The following PALM2AKAP2 variants were observed in gnomAD, a reference collection of about 807,000 sequenced individuals.
The protein encoded by PALM2AKAP2 is PALM2-AKAP2 fusion protein.
Under a neutral mutation model 71.5 loss-of-function variants are expected in PALM2AKAP2, and 37 were observed. The ratio of observed to expected loss-of-function variants is 0.52; its 90% CI spans 0.40 to 0.68. The LOEUF is 0.68. PALM2AKAP2 is among the 30% of genes least tolerant of loss of function. The probability of loss-of-function intolerance (pLI) is 0.00; values close to 1 mark genes in which losing one functional copy is unlikely to be tolerated. For synonymous variants in PALM2AKAP2, 468 were observed against 478.8 expected, an observed-to-expected ratio of 0.98 and a Z score of 0.29; for missense variants, 1,224 against 1,191.8, an observed-to-expected ratio of 1.03 and a Z score of -0.40.
intron 6 of PALM2AKAP2, among the ~76,000 whole-genome samples, chr9:109,985,861 G>T (rs1043816086): frequency 6.6e-6 from 1 of 151,944 alleles, no homozygotes; most frequent in African/African-American, 2.4e-5. Flanking sequence ...TGTTGGCCAG[G>T]CTGGTCTTGA....
chr9:109,826,133 A>T (rs1415012360), intron 1 of PALM2AKAP2, among the ~76,000 whole-genome samples: 2 of 145,856 alleles, frequency 1.4e-5, no homozygotes, highest in Non-Finnish European at 3.0e-5. Context: ...CAAACACCAC[A>T]TGTTCTCACT....
intron 1 of PALM2AKAP2, chr9:109,641,011 G>A (rs1245782270): frequency 2.4e-6 from 3 of 1,252,448 alleles, no homozygotes; most frequent in South Asian, 1.7e-5. Context: ...TGTTTCTATA[G>A]CAGCCGCCGC....
chr9:109,665,441 G>A (rs763678456), intron 1 of PALM2AKAP2, among the ~76,000 whole-genome samples: 1 of 152,130 alleles, frequency 6.6e-6, no homozygotes, highest in African/African-American at 2.4e-5. Flanking sequence ...TAACAGTCAG[G>A]TCCTTTAGAT....
intron 1 of PALM2AKAP2, among the ~76,000 whole-genome samples, chr9:110,107,330 C>T (rs767043527): frequency 5.9e-5 from 9 of 151,602 alleles, no homozygotes; most frequent in Middle Eastern, 3.2e-3. Context: ...ATTGTATGTA[C>T]GGAAACATCA....
chr9:109,965,283 A>G (rs1176294241), intron 6 of PALM2AKAP2, among the ~76,000 whole-genome samples: 1 of 152,228 alleles, frequency 6.6e-6, no homozygotes, highest in African/African-American at 2.4e-5. Flanking sequence ...ATATTTGTAT[A>G]CCAATGCTCA....
intron 1 of PALM2AKAP2, among the ~76,000 whole-genome samples, chr9:109,806,493 A>G (rs529229533): frequency 5.9e-5 from 9 of 152,368 alleles, no homozygotes; most frequent in African/African-American, 1.9e-4. Context: ...TAATTTATGA[A>G]TAAACTATTG....
intron 3 of PALM2AKAP2, among the ~76,000 whole-genome samples, chr9:109,895,427 G>A (rs988248078): frequency 5.3e-5 from 8 of 152,172 alleles, no homozygotes; most frequent in Non-Finnish European, 8.8e-5. Flanking sequence ...AAATAGGAAC[G>A]ACAATAAGAT....
At chr9:109,839,403 T>C (rs1828586281) in intron 1 of PALM2AKAP2, among the ~76,000 whole-genome samples, 1 of 152,192 alleles carries the variant, frequency 6.6e-6, no homozygotes, top group South Asian at 2.1e-4. Context: ...ATAAGGGCTA[T>C]TTATGACAAA....
chr9:109,795,662 C>T (rs114610769), intron 1 of PALM2AKAP2, among the ~76,000 whole-genome samples: 19 of 152,218 alleles, frequency 1.2e-4, no homozygotes, highest in African/African-American at 4.3e-4. Context: ...CTTCCATGGG[C>T]AAGAGATGAG....
intron 1 of PALM2AKAP2, among the ~76,000 whole-genome samples, chr9:109,793,724 A>G (rs1827177979): frequency 6.6e-6 from 1 of 152,380 alleles, no homozygotes; most frequent in South Asian, 2.1e-4. Flanking sequence ...GCCTCTTTTC[A>G]TAAGGCCTAT....
chr9:110,131,411 G>A (rs1160135402), intron 1 of PALM2AKAP2, among the ~76,000 whole-genome samples: 1 of 152,174 alleles, frequency 6.6e-6, no homozygotes, highest in African/African-American at 2.4e-5. Context: ...GACTTTCCTG[G>A]TGATTGAATG....
chr9:109,914,363 G>T (rs931030888), intron 3 of PALM2AKAP2, among the ~76,000 whole-genome samples: 3 of 152,366 alleles, frequency 2.0e-5, no homozygotes, highest in East Asian at 3.9e-4. Flanking sequence ...AGAGCATGTG[G>T]CTACAAAGGA....
At chr9:110,105,521 C>T (rs1835098003) in intron 1 of PALM2AKAP2, among the ~76,000 whole-genome samples, 1 of 152,194 alleles carries the variant, frequency 6.6e-6, no homozygotes, top group African/African-American at 2.4e-5. Context: ...TGCACGCATA[C>T]TGTATATATG....
chr9:109,923,953 T>C (rs1830893468), intron 4 of PALM2AKAP2, 104 bp downstream of exon 4: 1 of 1,193,604 alleles, frequency 8.4e-7, no homozygotes, highest in Middle Eastern at 2.0e-4. Flanking sequence ...TGATGAGAAA[T>C]CTGAGCCACG....
In PALM2AKAP2 at chr9:109,944,980, T is replaced by C. The variant is rs111743160; in HGVS notation, c.496+12952T>C. Reference sequence around the variant, plus strand: ...CAGTATATAGTTTTGAAAAAACATATGATATACTACATCCAGTCTAACTTC... The same window carrying C: ...CAGTATATAGTTTTGAAAAAACATACGATATACTACATCCAGTCTAACTTC... On this transcript the variant is annotated intron_variant, in intron 6 of 9. Transcript: ENST00000302798. The C allele has an allele frequency of 5.6e-3, 850 of 152,296 alleles. 8 individuals carry two copies. The highest frequency in any genetic ancestry group is 0.019 in the African/African-American group (802 of 41,574). 9.4% of individuals were successfully genotyped at this position (152,296 alleles called of 1,614,324 possible).
chr9:110,067,392 C>G (rs924920061), intron 1 of PALM2AKAP2, among the ~76,000 whole-genome samples: 3 of 152,200 alleles, frequency 2.0e-5, no homozygotes, highest in Non-Finnish European at 4.4e-5. Context: ...AAGTTTCAAA[C>G]ACATCGTCTG....
chr9:109,713,738 T>C (rs879373670), intron 1 of PALM2AKAP2, among the ~76,000 whole-genome samples: 3 of 152,174 alleles, frequency 2.0e-5, no homozygotes, highest in African/African-American at 7.2e-5. Context: ...AGATCAATGG[T>C]TGCCAGGAAC....
At chr9:109,878,264 A>G (rs879683212) in intron 2 of PALM2AKAP2, among the ~76,000 whole-genome samples, 2 of 152,236 alleles carry the variant, frequency 1.3e-5, no homozygotes, top group Non-Finnish European at 2.9e-5. Flanking sequence ...CCCTGGTGGT[A>G]GATGCACACT....
chr9:110,100,634 G>A (rs1834974804), intron 1 of PALM2AKAP2, among the ~76,000 whole-genome samples: 1 of 152,184 alleles, frequency 6.6e-6, no homozygotes, highest in Non-Finnish European at 1.5e-5. Flanking sequence ...CCTGGCTTCT[G>A]ATATGTAACA....
Sources: gnomAD v4.1 joint callset for allele counts (sites outside exome capture counted in the v4.1 genomes callset) on GRCh38, gnomAD v4.1.1 for gene constraint, MANE v1.5 for transcripts, NCBI Gene and HGNC (gene_info 2026-07-23, HGNC 2026-07-21) for gene names.